The following GALNT2 variants were observed in gnomAD, a reference collection of about 807,000 sequenced individuals.
The protein encoded by GALNT2 is UDP-GalNAc:polypeptide N-acetylgalactosaminyltransferase 2.
GALNT2 carries 31 observed loss-of-function variants against 81.4 expected under a neutral mutation model. The observed-to-expected ratio is 0.38, with a 90% CI of 0.29 to 0.51. The LOEUF (loss-of-function observed/expected upper bound fraction) is 0.51, where lower values mean the gene tolerates loss of function less well. Ranked by LOEUF, GALNT2 falls within the 20% of genes least tolerant of loss-of-function variation. The pLI is 0.87. For missense variants in GALNT2, 629 were observed against 765.7 expected, an observed-to-expected ratio of 0.82 and a Z score of 2.11; for synonymous variants, 303 against 287.4, an observed-to-expected ratio of 1.05 and a Z score of -0.55.
chr1:230,077,173 C>T (rs148329070), intron 1 of GALNT2, among the ~76,000 whole-genome samples: 1 of 152,278 alleles, frequency 6.6e-6, no homozygotes. Flanking sequence ...TGGGATGCCT[C>T]CCAGTCTCAT....
chr1:230,139,333 A>G (rs1327604057), intron 1 of GALNT2, among the ~76,000 whole-genome samples: 2 of 152,164 alleles, frequency 1.3e-5, no homozygotes, highest in Non-Finnish European at 2.9e-5. Flanking sequence ...TCCTGGCCAC[A>G]TGTGTCCCTT....
chr1:230,059,449 T>C (rs1053362813), intron 1 of GALNT2, among the ~76,000 whole-genome samples: 1 of 152,206 alleles, frequency 6.6e-6, no homozygotes, highest in African/African-American at 2.4e-5. Flanking sequence ...CTAGAAGTCA[T>C]GCACAAGTGT....
rs1043941 is a variant in GALNT2, at chr1:230,281,811, T to C, written c.*2353T>C. On this transcript the variant is annotated 3_prime_UTR_variant, in exon 16 of 16. Coordinates refer to ENST00000366672, the MANE Select transcript of GALNT2 (RefSeq NM_004481.5). ...TGACTTACTGCGGTTGCGTTAGTTT[T>C]TAATCATCAGGACTATCTCACCCTC... 0.83 allele frequency: 125,459 copies of C among 152,070 alleles called. 52,055 individuals carry two copies. Among genetic ancestry groups the C allele is most frequent in the East Asian group, 0.98 (5,041 of 5,132 alleles). The allele number at this position is 152,070 out of a possible 1,614,324, so 9.4% of individuals were successfully genotyped here. A position where few individuals can be genotyped will look rare whatever the true frequency, so the allele number is the denominator to read the frequency against.
chr1:230,211,351 C>T (rs1241330322), intron 3 of GALNT2, among the ~76,000 whole-genome samples: 2 of 152,172 alleles, frequency 1.3e-5, no homozygotes, highest in African/African-American at 2.4e-5. Flanking sequence ...GCTGTTCTGG[C>T]TTTGTTGGCA....
At chr1:230,124,341 GCTGT>G (rs1310695420) in intron 1 of GALNT2, among the ~76,000 whole-genome samples, 1 of 152,300 alleles carries the variant, frequency 6.6e-6, no homozygotes, top group East Asian at 1.9e-4. Context: ...TGCTGCAAGA[GCTGT>G]CTATCACCCG....
At chr1:230,230,889 A>C (rs961593633) in intron 3 of GALNT2, among the ~76,000 whole-genome samples, 2 of 152,242 alleles carry the variant, frequency 1.3e-5, no homozygotes, top group East Asian at 3.9e-4. Context: ...TGGCTATCTC[A>C]TAAGAAGTGT....
chr1:230,122,898 C>T (rs1661062301), intron 1 of GALNT2, among the ~76,000 whole-genome samples: 1 of 152,114 alleles, frequency 6.6e-6, no homozygotes, highest in African/African-American at 2.4e-5. Flanking sequence ...TGTGGCCTGT[C>T]GTCTCTTGAT....
Position 230,250,506 on chromosome 1 carries a change from G to A in GALNT2, c.955G>A (p.Glu319Lys). The change falls in exon 10 of 16, where the codon GAA becomes AAA. Residue 319 changes from glutamate (E) to lysine (K), a missense_variant. Around this residue, in one of 3 missense-constraint regions of GALNT2, gnomAD observed 360 missense variants for 492.8 expected, o/e 0.73. Coordinates refer to ENST00000366672, the MANE Select transcript of GALNT2 (RefSeq NM_004481.5). ...GTTTGTGATGGATAAGTTCTATTTT[G>A]AAGAACTGGGGAAGTACGACATGAT... ...GLFVMDKFYF[E>K]ELGKYDMMMD... The A allele has an allele frequency of 1.2e-6, 2 of 1,614,010 alleles. No homozygotes were observed. Among genetic ancestry groups the A allele is most frequent in the Non-Finnish European group, 1.7e-6 (2 of 1,179,976 alleles).
chr1:230,081,212 C>G (rs1264139312), intron 1 of GALNT2, among the ~76,000 whole-genome samples: 1 of 152,146 alleles, frequency 6.6e-6, no homozygotes, highest in African/African-American at 2.4e-5. Flanking sequence ...AATCTGAGCC[C>G]CAGACAGCAT....
intron 2 of GALNT2, among the ~76,000 whole-genome samples, chr1:230,198,635 A>T (rs1047162804): frequency 2.6e-5 from 4 of 152,118 alleles, no homozygotes; most frequent in African/African-American, 4.8e-5. Flanking sequence ...ACTAGCGCAG[A>T]CCTCATTCCA....
intron 1 of GALNT2, among the ~76,000 whole-genome samples, chr1:230,116,050 T>C (rs1293224782): frequency 6.6e-6 from 1 of 152,206 alleles, no homozygotes; most frequent in African/African-American, 2.4e-5. Context: ...AAGTCATCCA[T>C]GAAGGTTGGA....
intron 1 of GALNT2, among the ~76,000 whole-genome samples, chr1:230,110,784 A>C (rs977391425): frequency 2.7e-5 from 4 of 150,614 alleles, no homozygotes; most frequent in Non-Finnish European, 5.9e-5. Context: ...GGGAATGCAA[A>C]TACATTGAGC....
At chr1:230,162,880 C>T (rs1662478465) in intron 1 of GALNT2, among the ~76,000 whole-genome samples, 1 of 152,194 alleles carries the variant, frequency 6.6e-6, no homozygotes, top group Non-Finnish European at 1.5e-5. Context: ...GTCACATTTC[C>T]ACATGACTGT....
At chr1:230,093,338 C>G (rs1325217724) in intron 1 of GALNT2, among the ~76,000 whole-genome samples, 1 of 151,668 alleles carries the variant, frequency 6.6e-6, no homozygotes, top group Non-Finnish European at 1.5e-5. Context: ...TAACAGAAAC[C>G]AAAAGCAGAG....
upstream of GALNT2, among the ~76,000 whole-genome samples, chr1:230,064,788 A>C (rs1475570509): frequency 1.3e-5 from 2 of 152,212 alleles, no homozygotes; most frequent in Non-Finnish European, 2.9e-5. Flanking sequence ...CTGGGATTAC[A>C]GGCATGAGCC....
intron 1 of GALNT2, among the ~76,000 whole-genome samples, chr1:230,093,250 T>C (rs1660147023): frequency 6.6e-6 from 1 of 152,206 alleles, no homozygotes; most frequent in Admixed American, 6.5e-5. Flanking sequence ...TTTCTTAGCC[T>C]TCAAGCTTGA....
chr1:230,106,176 T>C (rs1241838026), intron 1 of GALNT2, among the ~76,000 whole-genome samples: 1 of 152,084 alleles, frequency 6.6e-6, no homozygotes, highest in Non-Finnish European at 1.5e-5. Flanking sequence ...GACTTCGGAG[T>C]GATAGCAAAG....
intron 6 of GALNT2, among the ~76,000 whole-genome samples, chr1:230,242,741 CATT>C (rs1407715335): frequency 2.0e-5 from 3 of 152,080 alleles, no homozygotes; most frequent in Admixed American, 2.0e-4. Flanking sequence ...TGAACGTGCA[CATT>C]ATTAACACAT....
intron 1 of GALNT2, among the ~76,000 whole-genome samples, chr1:230,127,050 T>C (rs894985828): frequency 2.6e-5 from 4 of 152,270 alleles, no homozygotes; most frequent in East Asian, 1.9e-4. Context: ...TGGATAGATG[T>C]TAATATTTTG....
Sources: gnomAD v4.1 joint callset for allele counts (sites outside exome capture counted in the v4.1 genomes callset) on GRCh38, gnomAD v4.1.1 for gene constraint, gnomAD v4.1.1 regional missense constraint, MANE v1.5 for transcripts, NCBI Gene and HGNC (gene_info 2026-07-23, HGNC 2026-07-21) for gene names.